LRRC37A2: variants seen among roughly 807,000 people sequenced by gnomAD.
The protein encoded by LRRC37A2 is leucine-rich repeat-containing protein 37A2.
In LRRC37A2, 9 loss-of-function variants were observed where a neutral mutation model predicts 68.8. The observed-to-expected ratio is 0.13, with a 90% CI of 0.08 to 0.23. The LOEUF (loss-of-function observed/expected upper bound fraction) is 0.23. Among genes scored for constraint, LRRC37A2 ranks in the 10% least tolerant of loss-of-function variants. The pLI is 1.00. For synonymous variants in LRRC37A2, 63 were observed against 367.6 expected (o/e 0.17, Z 9.48); for missense variants, 168 against 950.4 (o/e 0.18, Z 10.82).
At chr17:47,014,872 C>T in the LRRC37A2 span, among the ~76,000 whole-genome samples, 2 of 151,946 alleles carry the variant, frequency 1.3e-5, no homozygotes, top group African/African-American at 4.8e-5. Flanking sequence ...GAATATTTTG[C>T]CGAAGATCTT....
chr17:46,795,982 G>T, the LRRC37A2 span, among the ~76,000 whole-genome samples: 2 of 151,716 alleles, frequency 1.3e-5, no homozygotes, highest in African/African-American at 4.8e-5. Flanking sequence ...ATGAATAGAG[G>T]ATTAAAAAAA....
At chr17:46,722,683 G>C in the LRRC37A2 span, among the ~76,000 whole-genome samples, 2 of 152,170 alleles carry the variant, frequency 1.3e-5, no homozygotes. Context: ...AGAAATCGTG[G>C]ATCCTGGGAA....
chr17:46,906,244 C>T, the LRRC37A2 span, among the ~76,000 whole-genome samples: 1 of 152,114 alleles, frequency 6.6e-6, no homozygotes, highest in African/African-American at 2.4e-5. Flanking sequence ...GGCCTTCACC[C>T]AGCCTCTTCT....
At chr17:46,799,647 C>T in the LRRC37A2 span, among the ~76,000 whole-genome samples, 1 of 152,056 alleles carries the variant, frequency 6.6e-6, no homozygotes. Context: ...AGAGTTTCAC[C>T]ATGTTGGCCA....
the LRRC37A2 span, chr17:46,975,139 G>T: frequency 1.3e-5 from 2 of 152,046 alleles, no homozygotes; most frequent in Non-Finnish European, 1.5e-5. Flanking sequence ...CATTGTGCCG[G>T]CTTCTTCAAA....
At chr17:47,011,722 T>C in the LRRC37A2 span, among the ~76,000 whole-genome samples, 1 of 152,046 alleles carries the variant, frequency 6.6e-6, no homozygotes, top group Non-Finnish European at 1.5e-5. Context: ...TCAGTTTTCA[T>C]GGCATTGGCC....
chr17:46,755,926 T>G, the LRRC37A2 span: 2 of 1,120,452 alleles, frequency 1.8e-6, no homozygotes. Flanking sequence ...AAGTGGAACG[T>G]TCTCTACCTT....
intron 8 of LRRC37A2, among the ~76,000 whole-genome samples, chr17:46,542,947 G>A (rs540882456): frequency 6.7e-6 from 1 of 149,946 alleles, no homozygotes; most frequent in Admixed American, 6.6e-5. Flanking sequence ...ATCTTGACCA[G>A]GTTGTCAGAT....
the LRRC37A2 span, among the ~76,000 whole-genome samples, chr17:46,927,760 T>C: frequency 2.7e-3 from 404 of 152,328 alleles, no homozygotes; most frequent in African/African-American, 9.5e-3. Flanking sequence ...GTTTCCATTG[T>C]TACTGCTTTG....
chr17:46,782,037 T>C, the LRRC37A2 span, among the ~76,000 whole-genome samples: 2 of 152,116 alleles, frequency 1.3e-5, no homozygotes, highest in Non-Finnish European at 2.9e-5. Context: ...TGGCTTCACA[T>C]GGGTGGAGCT....
the LRRC37A2 span, among the ~76,000 whole-genome samples, chr17:46,776,890 G>A: frequency 1.2e-4 from 18 of 152,102 alleles, no homozygotes; most frequent in African/African-American, 3.6e-4. Flanking sequence ...TTCCCCTCCC[G>A]TTGCCTTCCT....
chr17:46,750,844 CAA>C, the LRRC37A2 span, among the ~76,000 whole-genome samples: 3 of 115,936 alleles, frequency 2.6e-5, no homozygotes, highest in Non-Finnish European at 3.7e-5. Flanking sequence ...TTAGAAATGT[CAA>C]AAAAAAAAAA....
At chr17:46,914,443 G>C in the LRRC37A2 span, among the ~76,000 whole-genome samples, 1 of 151,992 alleles carries the variant, frequency 6.6e-6, no homozygotes, top group African/African-American at 2.4e-5. Context: ...GAGGTCAGGA[G>C]TTCGAGACCA....
At chr17:46,968,936 T>C in the LRRC37A2 span, 1 of 152,414 alleles carries the variant, frequency 6.6e-6, no homozygotes, top group Non-Finnish European at 1.5e-5. Context: ...GTAATTCTCA[T>C]GAGGTTGAAA....
the LRRC37A2 span, among the ~76,000 whole-genome samples, chr17:46,403,921 C>T: frequency 3.4e-5 from 2 of 58,214 alleles, no homozygotes; most frequent in Non-Finnish European, 7.7e-5. Flanking sequence ...AGCATGGTCT[C>T]GATCTCCTGA....
chr17:47,028,198 G>A, the LRRC37A2 span: 6 of 938,394 alleles, frequency 6.4e-6, no homozygotes, highest in Admixed American at 7.6e-5. Context: ...GTTCCATCCT[G>A]TATAAATTAG....
At chr17:46,784,162 A>T in the LRRC37A2 span, among the ~76,000 whole-genome samples, 1 of 152,168 alleles carries the variant, frequency 6.6e-6, no homozygotes, top group Non-Finnish European at 1.5e-5. Flanking sequence ...GGAAGCTGTG[A>T]ATAAGGACTG....
chr17:46,971,128 A>G, the LRRC37A2 span, among the ~76,000 whole-genome samples: 3 of 152,174 alleles, frequency 2.0e-5, no homozygotes, highest in Non-Finnish European at 4.4e-5. Context: ...ATTTGAGGTC[A>G]GGAGTTTGAG....
chr17:46,900,328 G>C, the LRRC37A2 span, among the ~76,000 whole-genome samples: 1 of 151,306 alleles, frequency 6.6e-6, no homozygotes, highest in Non-Finnish European at 1.5e-5. Context: ...TTGGCTCACT[G>C]CAGCCTCTGC....
Sources: allele counts gnomAD v4.1 joint callset (sites outside exome capture counted in the v4.1 genomes callset), GRCh38; gene constraint gnomAD v4.1.1; transcripts MANE v1.5; gene names NCBI Gene and HGNC (gene_info 2026-07-23, HGNC 2026-07-21).